Variants in RETREG1 observed in about 807,000 individuals in gnomAD.
RETREG1 encodes the protein reticulophagy regulator 1, also known as family with sequence similarity 134 member B.
In RETREG1, 44 loss-of-function variants were observed where a neutral mutation model predicts 54.8. That is an observed-to-expected ratio of 0.80 (90% CI 0.63 to 1.03). The LOEUF is 1.03. Ranked by LOEUF, RETREG1 falls within the 50% of genes least tolerant of loss-of-function variation. RETREG1 has a pLI of 0.00. For synonymous variants in RETREG1, 217 were observed against 238.5 expected (o/e 0.91, Z 0.83); for missense variants, 554 against 605.1 (o/e 0.92, Z 0.89).
At chr5:16,599,333 T>C (rs547622751) in intron 1 of RETREG1, among the ~76,000 whole-genome samples, 2 of 152,326 alleles carry the variant, frequency 1.3e-5, no homozygotes, top group African/African-American at 4.8e-5. Flanking sequence ...TTCTAATCAG[T>C]AAACTTTTCA....
chr5:16,547,680 C>T (rs1741425380), intron 3 of RETREG1, among the ~76,000 whole-genome samples: 1 of 152,132 alleles, frequency 6.6e-6, no homozygotes, highest in Non-Finnish European at 1.5e-5. Flanking sequence ...TATAAAGGTA[C>T]ATGATGTGTT....
intron 1 of RETREG1, among the ~76,000 whole-genome samples, chr5:16,590,866 C>A (rs1219096492): frequency 1.4e-5 from 2 of 140,598 alleles, no homozygotes; most frequent in Non-Finnish European, 3.2e-5. Context: ...AAAACACACA[C>A]ATGCAAACAT....
At chr5:16,568,000 G>A (rs1332249922) in intron 2 of RETREG1, among the ~76,000 whole-genome samples, 1 of 151,946 alleles carries the variant, frequency 6.6e-6, no homozygotes, top group Admixed American at 6.6e-5. Flanking sequence ...AAAGCGGGGG[G>A]CAGATATGAC....
intron 3 of RETREG1, among the ~76,000 whole-genome samples, chr5:16,523,896 CA>C (rs1740616531): frequency 6.6e-6 from 1 of 152,132 alleles, no homozygotes; most frequent in Non-Finnish European, 1.5e-5. Context: ...ACGTTTGTTT[CA>C]GCCACAAACT....
intron 3 of RETREG1, among the ~76,000 whole-genome samples, chr5:16,498,479 G>A (rs931100853): frequency 9.8e-5 from 15 of 152,350 alleles, no homozygotes; most frequent in Admixed American, 4.6e-4. Flanking sequence ...TTGGGAAGTC[G>A]AGGCGGATGG....
At chr5:16,478,133 C>G (rs766037671) in intron 6 of RETREG1, 35 bp from the exon 7 acceptor site, 1 of 1,415,530 alleles carries the variant, frequency 7.1e-7, no homozygotes, top group Non-Finnish European at 1.0e-6. Flanking sequence ...TTTCAGTTTC[C>G]TAGCCAACTC....
At chr5:16,600,760 C>G (rs1743030376) in intron 1 of RETREG1, among the ~76,000 whole-genome samples, 1 of 152,162 alleles carries the variant, frequency 6.6e-6, no homozygotes, top group Non-Finnish European at 1.5e-5. Flanking sequence ...CAACACCTAA[C>G]AGACACAAAA....
chr5:16,595,230 C>T (rs1177281084), intron 1 of RETREG1, among the ~76,000 whole-genome samples: 1 of 152,102 alleles, frequency 6.6e-6, no homozygotes. Flanking sequence ...CTTTAATAGT[C>T]CTTGTTTTTA....
In RETREG1 at chr5:16,616,871, G is replaced by A. The variant is rs1276565042; in HGVS notation, c.101C>T (p.Pro34Leu). 2 of 1,496,362 alleles carry A rather than the reference G, an allele frequency of 1.3e-6. No individual in the cohort carries two copies. The highest frequency in any genetic ancestry group is 5.5e-5 in the East Asian group (2 of 36,114). The allele number at this position is 1,496,362 out of a possible 1,614,324, so 92.7% of individuals were successfully genotyped here. The change falls in exon 1 of 9, where the codon CCC becomes CTC. Residue 34 changes from proline (P) to leucine (L), a missense_variant. Pro to Leu is a moderately conservative substitution (Grantham distance 98). This residue lies in a region of RETREG1 where 175 missense variants were observed against 142.1 expected (regional missense o/e 1.23). Transcript: ENST00000306320. The stretch of plus-strand genomic sequence containing the variant: ...CTCCTCCTGCTGCTGCCGCTCTGCG[G>A]GGGATGCCTGGGGCGGTGGCGGCGA... ...PPSPPPPQAS[P>L]AERQQQEEEA...
Position 16,591,826 on chromosome 5 carries a change from T to C in RETREG1, c.321-19724A>G, listed in dbSNP as rs953761113. 5.9e-5 allele frequency among the ~76,000 whole-genome samples: 9 copies of C among 152,172 alleles called. 2 individuals carry two copies. The South Asian group carries it at 1.9e-3, about 32-fold the overall frequency. On this transcript the variant is annotated intron_variant, in intron 1 of 8. Coordinates refer to ENST00000306320, the MANE Select transcript of RETREG1 (RefSeq NM_001034850.3). ...CTCCAAACAAGAAAGACAAAGCCCA[T>C]GAAAAACAATGCAGGGAACAAGAAT...
chr5:16,616,804 C>G lies in RETREG1; in HGVS notation c.168G>C (p.Gln56His), dbSNP rs1743528094. ...CCGCCCGGCCCGCGGCCTCCTCCAC[C>G]TGCAACCCCGCGCCCTCCGCCGCCC... ...EAGAAEGAGL[Q>H]VEEAAGRAAA... Residue 56 changes from glutamine (Q) to histidine (H), a missense_variant, in exon 1 of 9, where the codon CAG (glutamine) becomes CAC (histidine). Around this residue, in one of 4 missense-constraint regions of RETREG1, gnomAD observed 175 missense variants for 142.1 expected, o/e 1.23. Transcript: ENST00000306320. 6.6e-7 allele frequency: 1 copy of G among 1,523,176 alleles called. No individual in the cohort carries two copies. The highest frequency in any genetic ancestry group is 2.0e-5 in the Admixed American group (1 of 50,078). 94.4% of individuals were successfully genotyped at this position (1,523,176 alleles called of 1,614,324 possible). A position where few individuals can be genotyped will look rare whatever the true frequency, so the allele number is the denominator to read the frequency against.
intron 1 of RETREG1, among the ~76,000 whole-genome samples, chr5:16,605,012 T>C (rs947186309): frequency 2.6e-5 from 4 of 152,126 alleles, no homozygotes; most frequent in Non-Finnish European, 5.9e-5. Context: ...CCATTATATA[T>C]GCACCTTGGA....
intron 3 of RETREG1, among the ~76,000 whole-genome samples, chr5:16,487,562 G>T (rs1739066322): frequency 6.6e-6 from 1 of 152,186 alleles, no homozygotes; most frequent in Admixed American, 6.5e-5. Context: ...AATGGGCTTT[G>T]CTCAAGGATC....
At chr5:16,477,618 G>C (rs770539648) in intron 8 of RETREG1, 44 bp downstream of exon 8, 2 of 1,579,242 alleles carry the variant, frequency 1.3e-6, no homozygotes, top group Non-Finnish European at 1.7e-6. Context: ...CAATAGTTTT[G>C]TATGCACTCA....
At chr5:16,476,474 C>T (rs3761753) in intron 8 of RETREG1, among the ~76,000 whole-genome samples, 28,754 of 152,076 alleles carry the variant, frequency 0.19, 3,106 homozygotes, top group South Asian at 0.33. Flanking sequence ...ATAAAGAATA[C>T]TGTGCTTTCC....
At chr5:16,569,510 C>G (rs1318804748) in intron 2 of RETREG1, among the ~76,000 whole-genome samples, 1 of 152,102 alleles carries the variant, frequency 6.6e-6, no homozygotes, top group Admixed American at 6.5e-5. Context: ...CAGGAACACA[C>G]AAACCCCATG....
At chr5:16,596,712 T>A (rs899746904) in intron 1 of RETREG1, among the ~76,000 whole-genome samples, 3 of 151,980 alleles carry the variant, frequency 2.0e-5, no homozygotes, top group Non-Finnish European at 4.4e-5. Flanking sequence ...GCCCACAACA[T>A]CCAGCCAGGC....
chr5:16,616,647 C>G lies in RETREG1; in HGVS notation c.320+5G>C. ...TCAGCGCCCCCACCTTGCCCAAGCT[C>G]TCACCAGAACAGCAGGTTGGCAGCG... On this transcript the variant is annotated splice_donor_5th_base_variant and intron_variant, in intron 1 of 8. Coordinates refer to ENST00000306320, the MANE Select transcript of RETREG1 (RefSeq NM_001034850.3). The G allele has an allele frequency of 6.3e-7, 1 of 1,590,922 alleles. No individual in the cohort carries two copies. Among genetic ancestry groups the G allele is most frequent in the Non-Finnish European group, 8.5e-7 (1 of 1,174,692 alleles).
Position 16,474,783 on chromosome 5 carries a change from C to A in RETREG1, c.1452G>T (p.Lys484Asn). 7.4e-6 allele frequency: 12 copies of A among 1,611,252 alleles called. No homozygotes were observed. Among genetic ancestry groups the A allele is most frequent in the Non-Finnish European group, 9.3e-6 (11 of 1,179,540 alleles). Residue 484 changes from lysine (K) to asparagine (N), a missense_variant, in exon 9 of 9, where the codon AAG (lysine) becomes AAT (asparagine). Transcript: ENST00000306320. Reference protein sequence around the residue: ...QDQEAEAQQNKKSSGFLSNLL... With the variant: ...QDQEAEAQQNNKSSGFLSNLL... ...GATTTGAAAGGAAACCTGAAGACTT[C>A]TTATTTTGCTGTGCTTCTGCTTCCT...
Sources: gnomAD v4.1 joint callset for allele counts (sites outside exome capture counted in the v4.1 genomes callset) on GRCh38, gnomAD v4.1.1 for gene constraint, gnomAD v4.1.1 regional missense constraint, MANE v1.5 for transcripts, NCBI Gene and HGNC (gene_info 2026-07-23, HGNC 2026-07-21) for gene names.